The following GPR141 variants were observed in gnomAD, a reference collection of about 807,000 sequenced individuals.
GPR141 encodes probable G protein-coupled receptor 141.
In GPR141, 6 loss-of-function variants were observed where a neutral mutation model predicts 6.8. The ratio of observed to expected loss-of-function variants is 0.88; its 90% confidence interval spans 0.48 to 1.74. The LOEUF (loss-of-function observed/expected upper bound fraction) is 1.74, where lower values mean the gene tolerates loss of function less well. Among genes scored for constraint, GPR141 ranks in the 40% most tolerant of loss-of-function variants. The pLI is 0.01. For missense variants in GPR141, 372 were observed against 372.9 expected (o/e 1.00, Z 0.02); for synonymous variants, 140 against 142.3 (o/e 0.98, Z 0.11).
chr7:37,709,973 A>T (rs1035177389), intron 2 of GPR141, among the ~76,000 whole-genome samples: 3 of 149,118 alleles, frequency 2.0e-5, no homozygotes, highest in African/African-American at 7.3e-5. Context: ...GCACGCCCGC[A>T]GTAAGCATTC....
chr7:37,684,690 A>G (rs576026995), intron 1 of GPR141, among the ~76,000 whole-genome samples: 21 of 152,308 alleles, frequency 1.4e-4, no homozygotes, highest in African/African-American at 5.1e-4. Flanking sequence ...TTTCTTTTAC[A>G]AATTTGTTAT....
intron 2 of GPR141, among the ~76,000 whole-genome samples, chr7:37,706,180 G>T (rs561021709): frequency 1.1e-4 from 16 of 152,292 alleles, no homozygotes; most frequent in African/African-American, 3.1e-4. Context: ...CTACCTGCAG[G>T]TGTCACAGTA....
chr7:37,708,381 G>A (rs1810638477), intron 2 of GPR141, among the ~76,000 whole-genome samples: 1 of 148,392 alleles, frequency 6.7e-6, no homozygotes, highest in South Asian at 2.1e-4. Context: ...TAAGCAGAGA[G>A]TTGTTCTTGA....
intron 2 of GPR141, among the ~76,000 whole-genome samples, chr7:37,691,997 T>G (rs1288310580): frequency 6.6e-6 from 1 of 152,220 alleles, no homozygotes; most frequent in Non-Finnish European, 1.5e-5. Context: ...ATGCTGTTTT[T>G]CTTTCTTTTT....
chr7:37,718,513 AAGG>A, intron 2 of GPR141, among the ~76,000 whole-genome samples: 1 of 72,440 alleles, frequency 1.4e-5, no homozygotes, highest in African/African-American at 4.8e-5. Context: ...CTCTGTCTCG[AAGG>A]AAGGAAGAAA....
chr7:37,718,336 C>T (rs898805169), intron 2 of GPR141, among the ~76,000 whole-genome samples: 2 of 152,072 alleles, frequency 1.3e-5, no homozygotes, highest in African/African-American at 4.8e-5. Context: ...AACAAGACTC[C>T]ATCTGTACAA....
intron 2 of GPR141, among the ~76,000 whole-genome samples, chr7:37,730,786 G>A (rs1462122021): frequency 6.6e-6 from 1 of 152,230 alleles, no homozygotes; most frequent in Non-Finnish European, 1.5e-5. Context: ...GTTCTAAATA[G>A]CAAGCTAATA....
chr7:37,717,889 C>T (rs1811124552), intron 2 of GPR141, among the ~76,000 whole-genome samples: 1 of 152,162 alleles, frequency 6.6e-6, no homozygotes, highest in South Asian at 2.1e-4. Flanking sequence ...TTACATTGCT[C>T]ATGAGTATAA....
chr7:37,710,343 A>G (rs958203049), intron 2 of GPR141, among the ~76,000 whole-genome samples: 1 of 152,184 alleles, frequency 6.6e-6, no homozygotes, highest in Non-Finnish European at 1.5e-5. Flanking sequence ...CATAGACTCC[A>G]TGCAAGGCTG....
chr7:37,718,753 G>A (rs907179122), intron 2 of GPR141, among the ~76,000 whole-genome samples: 1 of 151,542 alleles, frequency 6.6e-6, no homozygotes, highest in Admixed American at 6.6e-5. Flanking sequence ...CTAGAGCCCT[G>A]TCTACATCCA....
chr7:37,743,505 A>T lies in GPR141; in HGVS notation c.*2194A>T, dbSNP rs574483702. On this transcript the variant is annotated 3_prime_UTR_variant, in exon 3 of 3. Transcript: ENST00000334425. ...CCATAAAATTTGTAAGACCGTTACT[A>T]AGACCCCTGATAGTTTTAAGAAAAT... Among the ~76,000 whole-genome samples, 1 of 151,832 alleles carries T rather than the reference A, an allele frequency of 6.6e-6. No individual in the cohort carries two copies. Among genetic ancestry groups the T allele is most frequent in the East Asian group, 1.9e-4 (1 of 5,178 alleles).
chr7:37,707,487 G>A (rs1346524676), intron 2 of GPR141, among the ~76,000 whole-genome samples: 1 of 152,098 alleles, frequency 6.6e-6, no homozygotes, highest in African/African-American at 2.4e-5. Context: ...CTCTGAGGAA[G>A]GTACTGAAAA....
rs973330085 is a variant in GPR141 at position 37,742,312 on chromosome 7, A to T, written c.*1001A>T. The stretch of plus-strand genomic sequence containing the variant: ...TGTGCAGAATGTGCAGGTTTGTTAC[A>T]TAGGTATACACGTGCCATGGTGGTT... On this transcript the variant is annotated 3_prime_UTR_variant, in exon 3 of 3. Transcript: ENST00000334425. Among the ~76,000 whole-genome samples, 19 of 152,152 alleles carry T rather than the reference A, an allele frequency of 1.2e-4. No individual in the cohort carries two copies. Among genetic ancestry groups the T allele is most frequent in the African/African-American group, 4.3e-4 (18 of 41,518 alleles).
intron 2 of GPR141, among the ~76,000 whole-genome samples, chr7:37,698,452 C>T (rs1810124958): frequency 6.6e-6 from 1 of 152,144 alleles, no homozygotes; most frequent in African/African-American, 2.4e-5. Flanking sequence ...GGGCTTATGA[C>T]TCATTGCGGG....
chr7:37,712,622 A>G (rs983315291), intron 2 of GPR141, among the ~76,000 whole-genome samples: 10 of 152,302 alleles, frequency 6.6e-5, no homozygotes, highest in African/African-American at 2.4e-4. Context: ...AAAGATGAGA[A>G]ACAGTGGCTG....
chr7:37,708,657 C>A (rs936806777), intron 2 of GPR141, among the ~76,000 whole-genome samples: 3 of 152,178 alleles, frequency 2.0e-5, no homozygotes, highest in African/African-American at 7.2e-5. Flanking sequence ...TTATAGGATA[C>A]TGACCTCGTA....
chr7:37,686,353 A>G (rs1246683806), intron 2 of GPR141, among the ~76,000 whole-genome samples: 1 of 152,078 alleles, frequency 6.6e-6, no homozygotes, highest in Non-Finnish European at 1.5e-5. Context: ...TTGATCAAAG[A>G]TTTCTGAGAC....
rs944438552 is a variant in GPR141, at chr7:37,708,323, A to C, written c.-15+22740A>C. ...ACAAATTGCTGGCAAAAAAAAAAAA[A>C]AAAAAAAAAAAACGCAAAAGCTGGC... On this transcript the variant is annotated intron_variant, in intron 2 of 2. Coordinates refer to ENST00000334425, the MANE Select transcript of GPR141 (RefSeq NM_001381946.1). 7.3e-5 allele frequency among the ~76,000 whole-genome samples: 11 copies of C among 150,792 alleles called. 1 individual carries two copies. Among genetic ancestry groups the C allele is most frequent in the Middle Eastern group, 6.4e-3 (2 of 314 alleles).
intron 2 of GPR141, among the ~76,000 whole-genome samples, chr7:37,703,232 CTGTT>C (rs1343485802): frequency 1.3e-5 from 2 of 152,124 alleles, no homozygotes; most frequent in African/African-American, 4.8e-5. Context: ...TTTTAAGAAG[CTGTT>C]TGTCTGTGTA....
Sources: gnomAD v4.1 joint callset for allele counts (sites outside exome capture counted in the v4.1 genomes callset) on GRCh38, gnomAD v4.1.1 for gene constraint, MANE v1.5 for transcripts, NCBI Gene and HGNC (gene_info 2026-07-23, HGNC 2026-07-21) for gene names.